The following C2 variants were observed in gnomAD, a reference collection of about 807,000 sequenced individuals.
C2 encodes the protein C3/C5 convertase.
Under a neutral mutation model 85.2 loss-of-function variants are expected in C2, and 64 were observed. That is an observed-to-expected ratio of 0.75 (90% CI 0.61 to 0.92). C2 has a LOEUF of 0.92. C2 is among the 40% of genes least tolerant of loss of function. The probability of loss-of-function intolerance (pLI) is 0.00; values close to 1 mark genes in which losing one functional copy is unlikely to be tolerated. For synonymous variants in C2, 311 were observed against 370.8 expected, an observed-to-expected ratio of 0.84 and a Z score of 1.85; for missense variants, 820 against 971.6, an observed-to-expected ratio of 0.84 and a Z score of 2.07.
chr6:31,898,427 A>G (rs1459222175), upstream of C2, among the ~76,000 whole-genome samples: 1 of 152,166 alleles, frequency 6.6e-6, no homozygotes, highest in African/African-American at 2.4e-5. Flanking sequence ...AAGATAGACA[A>G]TCTCGATAGC....
At chr6:31,903,367 C>T (rs372645172) in intron 1 of C2, among the ~76,000 whole-genome samples, 32 of 152,186 alleles carry the variant, frequency 2.1e-4, no homozygotes, top group African/African-American at 5.3e-4. Context: ...TGGTGGCTCA[C>T]GCCTGTAATC....
upstream of C2, among the ~76,000 whole-genome samples, chr6:31,916,869 C>CAAAA (rs9257073): frequency 5.5e-4 from 43 of 78,820 alleles, no homozygotes; most frequent in East Asian, 7.4e-4. Flanking sequence ...TCCATCTCAA[C>CAAAA]AAAAAAAAAA....
chr6:31,908,588 G>T (rs1004836309), intron 1 of C2, among the ~76,000 whole-genome samples: 5 of 150,606 alleles, frequency 3.3e-5, no homozygotes, highest in Admixed American at 3.3e-4. Flanking sequence ...GGAGATGGAG[G>T]TTGTAATGAG....
rs752364862 is a variant in C2, at chr6:31,944,930, C to G, written c.2030-50C>G. 40 of 1,612,560 alleles carry G rather than the reference C, an allele frequency of 2.5e-5. No individual in the cohort carries two copies. In the Middle Eastern group the frequency reaches 6.6e-4, roughly 27 times the overall value. ...TGTGGCCAGCATGCATGCCAGAACACCAGTCCACTGCCCTAGATGACACTG... is the reference window on the plus strand; with the variant it reads ...TGTGGCCAGCATGCATGCCAGAACAGCAGTCCACTGCCCTAGATGACACTG... On this transcript the variant is annotated intron_variant, in intron 16 of 17. Transcript: ENST00000299367. This position sits in a 1 kb window ranked among gnomAD's most constrained non-coding sequence, Gnocchi z 5.1.
intron 1 of C2, among the ~76,000 whole-genome samples, chr6:31,902,853 A>C (rs1049318528): frequency 6.6e-6 from 1 of 152,104 alleles, no homozygotes; most frequent in African/African-American, 2.4e-5. Flanking sequence ...CCTTTAGTAT[A>C]TAATTAACCC....
At chr6:31,942,450 G>C (rs1283419919) in intron 9 of C2, among the ~76,000 whole-genome samples, 1 of 151,468 alleles carries the variant, frequency 6.6e-6, no homozygotes, top group Non-Finnish European at 1.5e-5. Flanking sequence ...GAAAACCATA[G>C]AACCCAGCAG....
chr6:31,928,789 G>T lies in C2; in HGVS notation c.314G>T (p.Gly105Val), dbSNP rs1474850648. The change falls in exon 3 of 18, where the codon GGG becomes GTG. Residue 105 changes from glycine (G) to valine (V), a missense_variant. Gly to Val is a moderately radical substitution (Grantham distance 109). Transcript: ENST00000299367. ...AATGGCATTTATACCCCACGGCTGG[G>T]GTCCTATCCCGTGGGTGGCAATGTG... Reference protein sequence around the residue: ...FENGIYTPRLGSYPVGGNVSF... With the variant: ...FENGIYTPRLVSYPVGGNVSF... The T allele has an allele frequency of 1.9e-6, 3 of 1,614,212 alleles. No homozygotes were observed. Among genetic ancestry groups the T allele is most frequent in the Admixed American group, 3.3e-5 (2 of 60,020 alleles).
chr6:31,938,720 C>T (rs1014320092), intron 8 of C2, among the ~76,000 whole-genome samples: 15 of 151,926 alleles, frequency 9.9e-5, no homozygotes, highest in African/African-American at 2.9e-4. Context: ...AGTGCAATGG[C>T]GCGATTTCGG....
intron 1 of C2, among the ~76,000 whole-genome samples, chr6:31,907,191 A>T (rs1767767983): frequency 6.6e-6 from 1 of 151,840 alleles, no homozygotes; most frequent in African/African-American, 2.4e-5. Context: ...AATTTTGTTT[A>T]CAAACTCAAA....
chr6:31,944,310 TTCTC>T lies in C2; in HGVS notation c.1902+90_1902+93del. 3.0e-6 allele frequency: 3 copies of T among 1,004,766 alleles called. No individual in the cohort carries two copies. Among genetic ancestry groups the T allele is most frequent in the Middle Eastern group, 2.2e-4 (1 of 4,448 alleles). 62.2% of individuals were successfully genotyped at this position (1,004,766 alleles called of 1,614,324 possible). ...TCTTCCTTCTCCAGGTCTGGCTGCT[TTCTC>T]TCTCTGACGCGGGTCACCCCTCCTC... On this transcript the variant is annotated intron_variant, in intron 15 of 17. Coordinates refer to ENST00000299367, the MANE Select transcript of C2 (RefSeq NM_000063.6). This position sits in a 1 kb window ranked among gnomAD's most constrained non-coding sequence, Gnocchi z 5.1.
intron 3 of C2, 79 bp from the exon 4 acceptor site, chr6:31,933,531 C>A: frequency 6.6e-7 from 1 of 1,509,602 alleles, no homozygotes; most frequent in Non-Finnish European, 9.1e-7. Context: ...GAAGCTTCTG[C>A]TGGCAACTGA....
chr6:31,940,921 C>T (rs1770826919), intron 9 of C2, among the ~76,000 whole-genome samples: 1 of 152,190 alleles, frequency 6.6e-6, no homozygotes, highest in Admixed American at 6.5e-5. Context: ...GCGGGGCTCT[C>T]TGAGAACAAA....
In C2 at chr6:31,943,292, G is replaced by A. The variant is rs1014540257; in HGVS notation, c.1428G>A (p.Glu476=). 1 of 1,612,918 alleles carries A rather than the reference G, an allele frequency of 6.2e-7. No homozygotes were observed. The highest frequency in any genetic ancestry group is 1.3e-5 in the African/African-American group (1 of 74,924). Residue 476 remains glutamate, a synonymous_variant, in exon 11 of 18, where the codon GAG becomes GAA. Transcript: ENST00000299367. The surrounding 1 kb of genome is among the most constrained non-coding windows in gnomAD (Gnocchi z 6.4). Reference sequence around the variant, plus strand: ...TGTCAGCAAACGCCTCTGACCAGGAGAGGACACCCTGGCATGTCACTATTA... The same window carrying A: ...TGTCAGCAAACGCCTCTGACCAGGAAAGGACACCCTGGCATGTCACTATTA... The part of the protein sequence containing the change: ...GNMSANASDQ[E]RTPWHVTIKP...
rs531965472 is a variant in C2, at chr6:31,931,981, G to A, written c.443-1629G>A. Among the ~76,000 whole-genome samples, 20 of 135,150 alleles carry A rather than the reference G, an allele frequency of 1.5e-4. No homozygotes were observed. The East Asian group carries it at 2.5e-3, about 17-fold the overall frequency. The allele number at this position is 135,150 out of a possible 152,430, so 88.7% of individuals were successfully genotyped here. On this transcript the variant is annotated intron_variant, in intron 3 of 17. Transcript: ENST00000299367. ...TCCCTCCCGGACGGGGCGGCTGGCCGGGCGGGGGGCTGACCCCCCCACCTC... is the reference window on the plus strand; with the variant it reads ...TCCCTCCCGGACGGGGCGGCTGGCCAGGCGGGGGGCTGACCCCCCCACCTC...
intron 1 of C2, among the ~76,000 whole-genome samples, chr6:31,911,943 T>TC (rs1297012646): frequency 6.6e-6 from 1 of 150,392 alleles, no homozygotes; most frequent in Non-Finnish European, 1.5e-5. Flanking sequence ...TTTTTTTTTT[T>TC]TTTTTTCCAA....
Position 31,943,284 on chromosome 6 carries a change from G to A in C2, c.1420G>A (p.Asp474Asn), listed in dbSNP as rs768408272. ...GGGGAACATGTCAGCAAACGCCTCT[G>A]ACCAGGAGAGGACACCCTGGCATGT... ...GVGNMSANAS[D>N]QERTPWHVTI... The change falls in exon 11 of 18, where the codon GAC becomes AAC. Residue 474 changes from aspartate to asparagine, a missense_variant. Coordinates refer to ENST00000299367, the MANE Select transcript of C2 (RefSeq NM_000063.6). The surrounding 1 kb of genome is among the most constrained non-coding windows in gnomAD (Gnocchi z 6.4). 6.2e-7 allele frequency: 1 copy of A among 1,613,060 alleles called. No homozygotes were observed. The highest frequency in any genetic ancestry group is 1.3e-5 in the African/African-American group (1 of 75,040).
At chr6:31,900,484 T>G, upstream of C2, 2 of 1,607,056 alleles carry the variant, frequency 1.2e-6, no homozygotes, top group African/African-American at 2.7e-5. This position sits in a 1 kb window ranked among gnomAD's most constrained non-coding sequence, Gnocchi z 9.7. Context: ...GGCCCTCCCC[T>G]TCTGCATCTT....
At chr6:31,938,248 G>C (rs1236555481) in intron 8 of C2, among the ~76,000 whole-genome samples, 3 of 151,956 alleles carry the variant, frequency 2.0e-5, no homozygotes, top group Non-Finnish European at 4.4e-5. Flanking sequence ...CGGATGCAAG[G>C]AACAGTCTGT....
chr6:31,936,511 C>CT (rs548102461), intron 7 of C2: 4,358 of 179,464 alleles, frequency 0.024, 1 homozygote, highest in South Asian at 0.055. Context: ...TTTTCTTCTT[C>CT]TTTTTTTTTT....
Sources: allele counts gnomAD v4.1 joint callset (sites outside exome capture counted in the v4.1 genomes callset), GRCh38; gene constraint gnomAD v4.1.1; non-coding constraint Gnocchi (gnomAD v3.1); transcripts MANE v1.5; gene names NCBI Gene and HGNC (gene_info 2026-07-23, HGNC 2026-07-21).